The following ZBTB7C variants were observed in gnomAD, a reference collection of about 807,000 sequenced individuals.
The protein encoded by ZBTB7C is zinc finger and BTB domain-containing protein 7C.
ZBTB7C carries 8 observed loss-of-function variants against 25.7 expected under a neutral mutation model. The ratio of observed to expected loss-of-function variants is 0.31; its 90% CI spans 0.18 to 0.56. The LOEUF is 0.56. Ranked by LOEUF, ZBTB7C falls within the 20% of genes least tolerant of loss-of-function variation. The pLI is 0.91. For missense variants in ZBTB7C, 824 were observed against 855.2 expected, an observed-to-expected ratio of 0.96 and a Z score of 0.46; for synonymous variants, 394 against 369.0, an observed-to-expected ratio of 1.07 and a Z score of -0.78.
intron 2 of ZBTB7C, among the ~76,000 whole-genome samples, chr18:48,266,636 C>G (rs887217138): frequency 3.9e-5 from 6 of 152,192 alleles, no homozygotes; most frequent in African/African-American, 1.2e-4. Flanking sequence ...CCACACAACC[C>G]CCCTAGCATC....
chr18:48,355,460 C>G (rs946250963), intron 1 of ZBTB7C, among the ~76,000 whole-genome samples: 5 of 152,222 alleles, frequency 3.3e-5, no homozygotes, highest in South Asian at 2.1e-4. Flanking sequence ...CCCGAGCACT[C>G]CAGACCTTCC....
chr18:48,394,313 G>A lies in ZBTB7C; in HGVS notation c.-304+14913C>T, dbSNP rs564408794. ...TCTCTAATGATTGATTAGAGGGGGC[G>A]GTGTCAGTAGCCGGGTTTTCTAGTG... On this transcript the variant is annotated intron_variant, in intron 1 of 4. Coordinates refer to ENST00000590800, the MANE Select transcript of ZBTB7C (RefSeq NM_001318841.2). Among the ~76,000 whole-genome samples the A allele has an allele frequency of 1.8e-4, 27 of 152,266 alleles. 1 individual carries two copies. Among genetic ancestry groups the A allele is most frequent in the Admixed American group, 1.3e-3 (20 of 15,298 alleles).
intron 2 of ZBTB7C, among the ~76,000 whole-genome samples, chr18:48,237,212 T>C (rs1489625707): frequency 1.3e-5 from 2 of 152,128 alleles, no homozygotes; most frequent in Non-Finnish European, 2.9e-5. Flanking sequence ...GGGGATGAAA[T>C]TTGAAAGGAT....
chr18:48,254,643 T>C (rs747250685), intron 2 of ZBTB7C, among the ~76,000 whole-genome samples: 2 of 152,184 alleles, frequency 1.3e-5, no homozygotes, highest in African/African-American at 4.8e-5. Context: ...ACGAACCCCA[T>C]GTATTTACCC....
At chr18:48,191,332 A>C (rs1469472778) in intron 2 of ZBTB7C, among the ~76,000 whole-genome samples, 1 of 152,184 alleles carries the variant, frequency 6.6e-6, no homozygotes, top group African/African-American at 2.4e-5. Context: ...CCTGCCATCG[A>C]CCAGCTGTGT....
chr18:48,365,221 G>T (rs1016495399), intron 1 of ZBTB7C, among the ~76,000 whole-genome samples: 5 of 152,158 alleles, frequency 3.3e-5, no homozygotes, highest in African/African-American at 1.2e-4. Context: ...GGATTACACT[G>T]GTGCTTTCAT....
At chr18:48,037,819 C>T (rs1349398732) in intron 4 of ZBTB7C, among the ~76,000 whole-genome samples, 1 of 152,206 alleles carries the variant, frequency 6.6e-6, no homozygotes, top group East Asian at 1.9e-4. Flanking sequence ...GAGGGCGCTC[C>T]AGGCTGATAA....
chr18:48,155,206 AT>A (rs2040800498), intron 3 of ZBTB7C, among the ~76,000 whole-genome samples: 1 of 151,360 alleles, frequency 6.6e-6, no homozygotes, highest in Admixed American at 6.6e-5. Context: ...TCACAGGAAC[AT>A]TTGTCCTATG....
intron 2 of ZBTB7C, among the ~76,000 whole-genome samples, chr18:48,277,217 A>G (rs971818856): frequency 8.2e-5 from 12 of 145,592 alleles, no homozygotes; most frequent in Admixed American, 2.1e-4. Flanking sequence ...GCAACCTACA[A>G]AATGGGAGAA....
chr18:48,390,621 G>A (rs367764924), intron 1 of ZBTB7C, among the ~76,000 whole-genome samples: 15 of 152,228 alleles, frequency 9.9e-5, no homozygotes, highest in East Asian at 1.9e-4. Flanking sequence ...GCCTCACCTC[G>A]AGAGTAAATT....
rs373325491 is a variant in ZBTB7C at position 48,030,958 on chromosome 18, C to T, written c.1209-1047G>A. On this transcript the variant is annotated intron_variant, in intron 4 of 4. Transcript: ENST00000590800. Reference sequence around the variant, plus strand: ...GAATTCCTCTTGGGATAATTCGCAGCCTTCCCCAGTGGGGCCATAGGGGCC... The same window carrying T: ...GAATTCCTCTTGGGATAATTCGCAGTCTTCCCCAGTGGGGCCATAGGGGCC... 2.0e-5 allele frequency among the ~76,000 whole-genome samples: 3 copies of T among 152,208 alleles called. No individual in the cohort carries two copies. The East Asian group carries it at 5.8e-4, about 29-fold the overall frequency.
chr18:48,071,701 T>C (rs1396559988), intron 3 of ZBTB7C, among the ~76,000 whole-genome samples: 1 of 152,246 alleles, frequency 6.6e-6, no homozygotes, highest in African/African-American at 2.4e-5. Flanking sequence ...AGCACATTCA[T>C]AGCATTATTC....
At chr18:48,138,359 G>C (rs1240386433) in intron 3 of ZBTB7C, among the ~76,000 whole-genome samples, 2 of 152,176 alleles carry the variant, frequency 1.3e-5, no homozygotes, top group Non-Finnish European at 2.9e-5. Context: ...TCCTTCTCGG[G>C]GTATGCCCTG....
chr18:48,257,424 TTCCC>T (rs1300612477), intron 2 of ZBTB7C, among the ~76,000 whole-genome samples: 1 of 152,138 alleles, frequency 6.6e-6, no homozygotes, highest in Non-Finnish European at 1.5e-5. Flanking sequence ...CTTAAAAACT[TTCCC>T]ATAAAGAAAA....
chr18:48,274,960 C>T (rs986397224), intron 2 of ZBTB7C, among the ~76,000 whole-genome samples: 1 of 152,240 alleles, frequency 6.6e-6, no homozygotes, highest in Non-Finnish European at 1.5e-5. Flanking sequence ...GCCCTGGTCA[C>T]AGGCTGCTAA....
chr18:48,069,076 G>T (rs1278942410), intron 3 of ZBTB7C, among the ~76,000 whole-genome samples: 2 of 152,208 alleles, frequency 1.3e-5, no homozygotes, highest in Non-Finnish European at 2.9e-5. Context: ...GGTATGTGTG[G>T]CCTCCAACCA....
At chr18:48,408,947 C>T (rs2048344887) in intron 1 of ZBTB7C, among the ~76,000 whole-genome samples, 1 of 150,466 alleles carries the variant, frequency 6.6e-6, no homozygotes, top group Non-Finnish European at 1.5e-5. Context: ...CCTCCCGCCT[C>T]CTCCGTTGCA....
intron 2 of ZBTB7C, among the ~76,000 whole-genome samples, chr18:48,293,507 C>CCAATTCCCTTCTCTTTTTGA (rs2045296137): frequency 1.3e-5 from 2 of 152,164 alleles, no homozygotes; most frequent in South Asian, 4.1e-4. Context: ...GCAGCATCTC[C>CCAATTCCCTTCTCTTTTTGA]CACCCAATTC....
At chr18:48,386,230 C>G (rs945081261) in intron 1 of ZBTB7C, among the ~76,000 whole-genome samples, 21 of 152,326 alleles carry the variant, frequency 1.4e-4, no homozygotes, top group African/African-American at 5.1e-4. Flanking sequence ...CTTCCCTGGC[C>G]CCCACAGCCC....
Sources: gnomAD v4.1 joint callset for allele counts (sites outside exome capture counted in the v4.1 genomes callset) on GRCh38, gnomAD v4.1.1 for gene constraint, MANE v1.5 for transcripts, NCBI Gene and HGNC (gene_info 2026-07-23, HGNC 2026-07-21) for gene names.